RBMS3: variants seen among roughly 807,000 people sequenced by gnomAD.
The protein encoded by RBMS3 is RNA binding motif single stranded interacting protein 3.
In RBMS3, 27 loss-of-function variants were observed where a neutral mutation model predicts 66.8. The observed-to-expected ratio is 0.40, with a 90% CI of 0.30 to 0.56. The LOEUF is 0.56. Among genes scored for constraint, RBMS3 ranks in the 20% least tolerant of loss-of-function variants. The pLI is 0.40. For synonymous variants in RBMS3, 188 were observed against 183.0 expected (o/e 1.03, Z -0.22); for missense variants, 513 against 549.5 (o/e 0.93, Z 0.66).
intron 3 of RBMS3, among the ~76,000 whole-genome samples, chr3:29,546,060 C>A (rs370711861): frequency 6.7e-6 from 1 of 149,924 alleles, no homozygotes; most frequent in Non-Finnish European, 1.5e-5. Flanking sequence ...TTTAAAAAGG[C>A]TTTATTTAGT....
intron 2 of RBMS3, among the ~76,000 whole-genome samples, chr3:29,471,965 T>C (rs1454109406): frequency 2.0e-5 from 3 of 152,142 alleles, no homozygotes; most frequent in Non-Finnish European, 4.4e-5. Context: ...CATTTCATAC[T>C]TCTCCATGTC....
At chr3:29,732,693 C>T (rs1322803519) in intron 4 of RBMS3, among the ~76,000 whole-genome samples, 1 of 152,066 alleles carries the variant, frequency 6.6e-6, no homozygotes, top group Non-Finnish European at 1.5e-5. Flanking sequence ...ACATGGAATG[C>T]TCTGATTCCC....
At chr3:29,808,357 T>C (rs2057623127) in intron 6 of RBMS3, among the ~76,000 whole-genome samples, 1 of 152,004 alleles carries the variant, frequency 6.6e-6, no homozygotes, top group Non-Finnish European at 1.5e-5. Flanking sequence ...TGCCTATTAA[T>C]GTATCTAATG....
intron 4 of RBMS3, among the ~76,000 whole-genome samples, chr3:29,676,674 T>G (rs2051269889): frequency 6.6e-6 from 1 of 152,150 alleles, no homozygotes. Context: ...ATATCACAGT[T>G]TTCTAGATTT....
intron 1 of RBMS3, among the ~76,000 whole-genome samples, chr3:29,388,643 C>T (rs180916756): frequency 3.9e-5 from 6 of 152,250 alleles, no homozygotes; most frequent in Non-Finnish European, 5.9e-5. Context: ...GGCGCGATCT[C>T]GGCTCACTGC....
At chr3:29,822,076 A>T (rs764166935) in intron 6 of RBMS3, among the ~76,000 whole-genome samples, 7 of 152,182 alleles carry the variant, frequency 4.6e-5, no homozygotes, top group African/African-American at 1.7e-4. Context: ...CTGCACAAGG[A>T]TGGTAATCCT....
intron 1 of RBMS3, among the ~76,000 whole-genome samples, chr3:29,381,927 C>T (rs2038780258): frequency 6.6e-6 from 1 of 152,034 alleles, no homozygotes. Context: ...CAGCTTCTAT[C>T]TTTCTTTCCT....
At chr3:29,349,710 A>G (rs751248779) in intron 1 of RBMS3, among the ~76,000 whole-genome samples, 37 of 152,278 alleles carry the variant, frequency 2.4e-4, no homozygotes, top group African/African-American at 8.2e-4. Flanking sequence ...GTGTCTAACA[A>G]CTCAGCTGTC....
intron 3 of RBMS3, among the ~76,000 whole-genome samples, chr3:29,493,743 G>A (rs913855728): frequency 2.0e-5 from 3 of 152,122 alleles, no homozygotes; most frequent in Admixed American, 6.6e-5. Context: ...ATGGTTCTTC[G>A]TTTTTGTAAA....
intron 12 of RBMS3, among the ~76,000 whole-genome samples, chr3:29,951,478 T>C (rs1013776763): frequency 4.0e-5 from 6 of 151,778 alleles, no homozygotes; most frequent in African/African-American, 1.4e-4. Flanking sequence ...AGAGAGTATA[T>C]AATCTATTCA....
At chr3:29,319,604 T>G (rs2034891792) in intron 1 of RBMS3, among the ~76,000 whole-genome samples, 1 of 152,028 alleles carries the variant, frequency 6.6e-6, no homozygotes, top group African/African-American at 2.4e-5. Context: ...TGTCTATAGA[T>G]ATTATTCTCA....
intron 1 of RBMS3, among the ~76,000 whole-genome samples, chr3:29,421,086 C>T (rs2040709726): frequency 6.6e-6 from 1 of 151,694 alleles, no homozygotes; most frequent in Admixed American, 6.6e-5. Context: ...GCACTCCAGC[C>T]TGGGCAACAG....
rs1361926573 is a variant in RBMS3 at position 29,311,829 on chromosome 3, A to C, written c.75+30073A>C. Among the ~76,000 whole-genome samples the C allele has an allele frequency of 2.6e-5, 4 of 151,934 alleles. No individual in the cohort carries two copies. In the East Asian group the frequency reaches 7.8e-4, roughly 30 times the overall value. Reference sequence around the variant, plus strand: ...GGGTATGAAGAAATAAAACATGTCCATAGCAATCATTAAATCAATCAGGGC... The same window carrying C: ...GGGTATGAAGAAATAAAACATGTCCCTAGCAATCATTAAATCAATCAGGGC... On this transcript the variant is annotated intron_variant, in intron 1 of 14. Coordinates refer to ENST00000383767, the MANE Select transcript of RBMS3 (RefSeq NM_001003793.3).
At chr3:29,696,253 A>G (rs1213518588) in intron 4 of RBMS3, among the ~76,000 whole-genome samples, 8 of 152,126 alleles carry the variant, frequency 5.3e-5, no homozygotes, top group Admixed American at 5.2e-4. Flanking sequence ...TCATCTTTAA[A>G]ATGGGGATTA....
At chr3:29,700,296 A>C (rs1197010860) in intron 4 of RBMS3, among the ~76,000 whole-genome samples, 1 of 152,218 alleles carries the variant, frequency 6.6e-6, no homozygotes, top group Non-Finnish European at 1.5e-5. Flanking sequence ...ATTAGTCAAG[A>C]CAGGAATAGT....
chr3:29,318,973 AT>A (rs1482705276), intron 1 of RBMS3, among the ~76,000 whole-genome samples: 3 of 151,966 alleles, frequency 2.0e-5, no homozygotes, highest in Non-Finnish European at 4.4e-5. Flanking sequence ...GTTAGAGAGC[AT>A]TGAGACAGCA....
At chr3:29,295,016 C>A (rs547876485) in intron 1 of RBMS3, among the ~76,000 whole-genome samples, 1 of 151,452 alleles carries the variant, frequency 6.6e-6, no homozygotes, top group Admixed American at 6.6e-5. Context: ...CAATTACCTA[C>A]GTGGGTATAA....
At chr3:29,437,019 C>T (rs1239431626) in intron 2 of RBMS3, among the ~76,000 whole-genome samples, 2 of 152,204 alleles carry the variant, frequency 1.3e-5, no homozygotes, top group African/African-American at 2.4e-5. Flanking sequence ...GCCTCAGTTT[C>T]CTCTTTCTTA....
intron 3 of RBMS3, among the ~76,000 whole-genome samples, chr3:29,533,207 G>A (rs1455042276): frequency 6.6e-6 from 1 of 152,160 alleles, no homozygotes. Flanking sequence ...GCTAGGTACA[G>A]TGGCTCATGC....
Sources: allele counts gnomAD v4.1 joint callset (sites outside exome capture counted in the v4.1 genomes callset), GRCh38; gene constraint gnomAD v4.1.1; transcripts MANE v1.5; gene names NCBI Gene and HGNC (gene_info 2026-07-23, HGNC 2026-07-21).